Variants in BIRC6 observed in about 807,000 individuals in gnomAD.
BIRC6 encodes dual E2 ubiquitin-conjugating enzyme/E3 ubiquitin-protein ligase BIRC6.
A neutral mutation model predicts 503.3 loss-of-function variants in BIRC6; 98 were observed. That is an observed-to-expected ratio of 0.19 (90% CI 0.17 to 0.23). The LOEUF is 0.23. BIRC6 is among the 10% of genes least tolerant of loss of function. The pLI, the probability that BIRC6 is intolerant of heterozygous loss-of-function variation, is 1.00. For missense variants in BIRC6, 5,360 were observed against 5,806.0 expected (o/e 0.92, Z 2.50); for synonymous variants, 2,240 against 2,078.7 (o/e 1.08, Z -2.11).
chr2:32,604,003 A>C (rs1477951858), intron 71 of BIRC6, among the ~76,000 whole-genome samples: 2 of 152,044 alleles, frequency 1.3e-5, no homozygotes, highest in East Asian at 3.8e-4. Context: ...GTTTGATCCA[A>C]ATAGCTTTTT....
intron 44 of BIRC6, 71 bp downstream of exon 44, chr2:32,491,629 A>G: frequency 6.8e-7 from 1 of 1,470,676 alleles, no homozygotes; most frequent in Non-Finnish European, 9.2e-7. Context: ...AAAGCTATGT[A>G]ACTTTTTTAT....
chr2:32,571,881 T>G (rs2059937826), intron 65 of BIRC6, among the ~76,000 whole-genome samples: 1 of 152,158 alleles, frequency 6.6e-6, no homozygotes, highest in Non-Finnish European at 1.5e-5. Context: ...TTCTCTCTCT[T>G]TGCACTGCAT....
At chr2:32,408,144 C>A (rs937938201) in intron 9 of BIRC6, among the ~76,000 whole-genome samples, 7 of 151,908 alleles carry the variant, frequency 4.6e-5, no homozygotes, top group African/African-American at 9.7e-5. Flanking sequence ...ATTTTTGTAT[C>A]TTTAGTAGAG....
chr2:32,457,397 T>A (rs573660597), intron 23 of BIRC6, among the ~76,000 whole-genome samples: 12 of 152,212 alleles, frequency 7.9e-5, no homozygotes, highest in African/African-American at 1.7e-4. Flanking sequence ...GTTGGTTACA[T>A]GCTTCTTTTT....
intron 6 of BIRC6, among the ~76,000 whole-genome samples, chr2:32,396,280 A>G (rs983920945): frequency 2.6e-5 from 4 of 152,184 alleles, no homozygotes; most frequent in Admixed American, 1.3e-4. Context: ...CAGTCACTCT[A>G]TGAGATAGGA....
At chr2:32,478,895 T>C in intron 36 of BIRC6, 77 bp downstream of exon 36, 1 of 1,438,104 alleles carries the variant, frequency 7.0e-7, no homozygotes, top group Non-Finnish European at 9.7e-7. Context: ...CAAAGGGATC[T>C]TTAACCCCTA....
intron 1 of BIRC6, among the ~76,000 whole-genome samples, chr2:32,362,984 A>T (rs2034353835): frequency 6.6e-6 from 1 of 152,202 alleles, no homozygotes; most frequent in African/African-American, 2.4e-5. Flanking sequence ...CAGTGTACTT[A>T]CCAGACAAGT....
intron 50 of BIRC6, among the ~76,000 whole-genome samples, chr2:32,506,536 C>T (rs1344849582): frequency 6.6e-6 from 1 of 152,276 alleles, no homozygotes; most frequent in East Asian, 1.9e-4. Flanking sequence ...AAAGAGATTG[C>T]TTTTATTTGG....
At chr2:32,441,817 A>G (rs575131861) in intron 17 of BIRC6, among the ~76,000 whole-genome samples, 2 of 152,286 alleles carry the variant, frequency 1.3e-5, no homozygotes, top group African/African-American at 4.8e-5. Context: ...GGGACACCCA[A>G]TCTCTGGAGA....
At chr2:32,594,849 ATTG>A (rs769614081) in intron 67 of BIRC6, among the ~76,000 whole-genome samples, 182 bp from the exon 68 acceptor site, 3 of 152,076 alleles carry the variant, frequency 2.0e-5, no homozygotes, top group African/African-American at 7.2e-5. Context: ...TGTTTATGTT[ATTG>A]TTATGTTTAT....
At chr2:32,476,503 T>A (rs1272381334) in intron 34 of BIRC6, among the ~76,000 whole-genome samples, 159 bp downstream of exon 34, 1 of 152,166 alleles carries the variant, frequency 6.6e-6, no homozygotes, top group Non-Finnish European at 1.5e-5. Context: ...GAAGGAAATG[T>A]ATGATAAATG....
chr2:32,555,290 T>G (rs1477626470), intron 65 of BIRC6, among the ~76,000 whole-genome samples: 1 of 152,084 alleles, frequency 6.6e-6, no homozygotes, highest in African/African-American at 2.4e-5. Context: ...AGAGGATTGC[T>G]TATGCCCACG....
intron 9 of BIRC6, among the ~76,000 whole-genome samples, chr2:32,412,627 A>T (rs2042010369): frequency 6.6e-6 from 1 of 152,196 alleles, no homozygotes; most frequent in Non-Finnish European, 1.5e-5. Context: ...CATAAAGATG[A>T]TACAGTTTTG....
At chr2:32,432,761 GAAA>G (rs537768715) in intron 12 of BIRC6, among the ~76,000 whole-genome samples, 1 of 129,430 alleles carries the variant, frequency 7.7e-6, no homozygotes. Context: ...CCCCATTTCG[GAAA>G]AAAAAAAAAA....
intron 65 of BIRC6, among the ~76,000 whole-genome samples, chr2:32,553,394 T>A (rs1006406373): frequency 4.0e-5 from 6 of 151,844 alleles, no homozygotes; most frequent in Non-Finnish European, 7.4e-5. Context: ...CTTATTTTTT[T>A]ATTTTATTTT....
At chr2:32,547,778 T>A in intron 63 of BIRC6, 72 bp from the exon 64 acceptor site, 1 of 1,297,294 alleles carries the variant, frequency 7.7e-7, no homozygotes, top group Non-Finnish European at 1.0e-6. Flanking sequence ...CATTTTACTT[T>A]CCCAGTGATA....
chr2:32,454,070 G>C, intron 23 of BIRC6, 128 bp downstream of exon 23: 1 of 793,710 alleles, frequency 1.3e-6, no homozygotes, highest in Non-Finnish European at 1.8e-6. Flanking sequence ...TTATTTGTGG[G>C]AGGGGCATTT....
At chr2:32,358,152 C>A (rs1232742128) in intron 1 of BIRC6, among the ~76,000 whole-genome samples, 1 of 152,148 alleles carries the variant, frequency 6.6e-6, no homozygotes, top group Non-Finnish European at 1.5e-5. Context: ...GACGACTAGA[C>A]CTGGTCCCCT....
chr2:32,563,371 G>C (rs781331844), intron 65 of BIRC6: 7 of 152,108 alleles, frequency 4.6e-5, no homozygotes, highest in African/African-American at 7.2e-5. Flanking sequence ...AGCTAAAATG[G>C]GGGGGCAGGA....
Sources: allele counts gnomAD v4.1 joint callset (sites outside exome capture counted in the v4.1 genomes callset), GRCh38; gene constraint gnomAD v4.1.1; transcripts MANE v1.5; gene names NCBI Gene and HGNC (gene_info 2026-07-23, HGNC 2026-07-21).